Variants in LRRC28 observed in about 807,000 individuals in gnomAD.
The protein encoded by LRRC28 is leucine-rich repeat-containing protein 28.
Under a neutral mutation model 45.7 loss-of-function variants are expected in LRRC28, and 39 were observed. The observed-to-expected ratio is 0.85, with a 90% CI of 0.66 to 1.12. LRRC28 has a LOEUF of 1.12. LRRC28 is among the 50% of genes most tolerant of loss of function. The pLI, the probability that LRRC28 is intolerant of heterozygous loss-of-function variation, is 0.00. For missense variants in LRRC28, 435 were observed against 438.5 expected, an observed-to-expected ratio of 0.99 and a Z score of 0.07; for synonymous variants, 206 against 178.8, an observed-to-expected ratio of 1.15 and a Z score of -1.22.
At chr15:99,299,671 A>G (rs1012727333) in intron 5 of LRRC28, among the ~76,000 whole-genome samples, 6 of 152,204 alleles carry the variant, frequency 3.9e-5, no homozygotes, top group Non-Finnish European at 5.9e-5. Flanking sequence ...GCCAAGGGTC[A>G]ATGTAATGAG....
intron 5 of LRRC28, among the ~76,000 whole-genome samples, chr15:99,302,229 G>C (rs8032790): frequency 0.13 from 19,263 of 151,782 alleles, 1,331 homozygotes; most frequent in Non-Finnish European, 0.17. Context: ...GGGTTTCATC[G>C]TGTTAGCCAG....
intron 3 of LRRC28, among the ~76,000 whole-genome samples, chr15:99,277,273 A>C (rs995823582): frequency 6.6e-6 from 1 of 152,086 alleles, no homozygotes; most frequent in African/African-American, 2.4e-5. Context: ...AGCTAGCCTT[A>C]TACTCCCATC....
At chr15:99,281,623 C>G (rs1413157637) in intron 3 of LRRC28, among the ~76,000 whole-genome samples, 2 of 152,116 alleles carry the variant, frequency 1.3e-5, no homozygotes, top group Non-Finnish European at 2.9e-5. Flanking sequence ...TTTCCTGATT[C>G]TTGGCATGTC....
chr15:99,253,985 A>G (rs1032183116), intron 1 of LRRC28, among the ~76,000 whole-genome samples: 5 of 152,206 alleles, frequency 3.3e-5, no homozygotes, highest in Non-Finnish European at 5.9e-5. Context: ...TGAGATGGGA[A>G]AAACTGTGGA....
intron 1 of LRRC28, among the ~76,000 whole-genome samples, chr15:99,255,194 C>T (rs1025252846): frequency 9.2e-5 from 14 of 151,602 alleles, no homozygotes; most frequent in Non-Finnish European, 5.9e-5. Context: ...CCCATCTCTA[C>T]GAACAAGTAA....
chr15:99,293,090 C>T (rs1404325819), intron 5 of LRRC28, among the ~76,000 whole-genome samples: 1 of 152,162 alleles, frequency 6.6e-6, no homozygotes, highest in Non-Finnish European at 1.5e-5. Flanking sequence ...TGGCTTTTCT[C>T]TAGGGTTCAC....
intron 9 of LRRC28, among the ~76,000 whole-genome samples, chr15:99,380,709 G>A (rs1763617396): frequency 6.6e-6 from 1 of 152,194 alleles, no homozygotes. Context: ...TCCTTCAGGA[G>A]CTCTTGTAGG....
chr15:99,359,834 G>A (rs915562262), intron 7 of LRRC28, among the ~76,000 whole-genome samples: 2 of 152,068 alleles, frequency 1.3e-5, no homozygotes, highest in Admixed American at 6.6e-5. Flanking sequence ...GAACAAAATC[G>A]CATTTCAGAA....
chr15:99,307,458 G>C (rs981389428), intron 5 of LRRC28, among the ~76,000 whole-genome samples: 1 of 152,200 alleles, frequency 6.6e-6, no homozygotes, highest in African/African-American at 2.4e-5. Context: ...TTTTTAGAAA[G>C]ATCTATTCCT....
intron 3 of LRRC28, chr15:99,285,374 T>A: frequency 1.3e-6 from 1 of 742,886 alleles, no homozygotes; most frequent in South Asian, 1.4e-5. Context: ...CATGGCTGCA[T>A]CCACCTCCTC....
intron 5 of LRRC28, among the ~76,000 whole-genome samples, chr15:99,306,964 C>G (rs1429723119): frequency 6.6e-6 from 1 of 152,176 alleles, no homozygotes; most frequent in African/African-American, 2.4e-5. Flanking sequence ...GAGCCTTCAG[C>G]CCTGAGGATT....
At chr15:99,310,200 A>G (rs1038616079) in intron 5 of LRRC28, among the ~76,000 whole-genome samples, 2 of 152,204 alleles carry the variant, frequency 1.3e-5, no homozygotes, top group African/African-American at 4.8e-5. Context: ...TTGTTCTTCA[A>G]AATTTAAAGG....
At chr15:99,286,257 A>G (rs1312722537) in intron 3 of LRRC28, among the ~76,000 whole-genome samples, 1 of 152,084 alleles carries the variant, frequency 6.6e-6, no homozygotes, top group East Asian at 1.9e-4. Flanking sequence ...CAGTCTCCCA[A>G]GTAGCTGGGA....
rs759342943 is a variant in LRRC28 at position 99,287,934 on chromosome 15, T to G, written c.368T>G (p.Leu123Arg). Reference protein sequence around the residue: ...LRHLRLANNQLQFLPPEVGDL... With the variant: ...LRHLRLANNQRQFLPPEVGDL... ...CATCTTCGATTAGCTAATAACCAAC[T>G]GCAATTCCTACCTCCAGGTAATCAT... Residue 123 changes from leucine to arginine, a missense_variant, in exon 5 of 10, where the codon CTG becomes CGG. Leu to Arg is a moderately radical substitution (Grantham distance 102). Transcript: ENST00000301981. 1.6e-5 allele frequency: 26 copies of G among 1,613,356 alleles called. No homozygotes were observed. Among genetic ancestry groups the G allele is most frequent in the Non-Finnish European group, 2.1e-5 (25 of 1,179,668 alleles).
chr15:99,375,810 A>G lies in LRRC28; in HGVS notation c.1032-10220A>G, dbSNP rs564631063. ...TAATGGCTGTAGGATCTGTGGTGAT[A>G]TCACCTCCTTCATTTTTAATATTAA... On this transcript the variant is annotated intron_variant, in intron 9 of 9. Transcript: ENST00000301981. Among the ~76,000 whole-genome samples the G allele has an allele frequency of 1.1e-3, 167 of 152,110 alleles. 2 individuals are homozygous for G. Among genetic ancestry groups the G allele is most frequent in the African/African-American group, 3.9e-3 (162 of 41,518 alleles).
In LRRC28 at chr15:99,333,928, G is replaced by C; in HGVS notation, c.391G>C (p.Gly131Arg). The C allele has an allele frequency of 6.2e-7, 1 of 1,613,982 alleles. No homozygotes were observed. The highest frequency in any genetic ancestry group is 8.5e-7 in the Non-Finnish European group (1 of 1,179,908). The change falls in exon 6 of 10, where the codon GGC (glycine) becomes CGC (arginine). Residue 131 changes from glycine to arginine, a missense_variant. Gly to Arg is a moderately radical substitution (Grantham distance 125). Transcript: ENST00000301981. ...AATTTTGATTTTGGTTGTAGAGGTT[G>C]GCGATTTGAAGGAGCTGCAGACACT... ...NQLQFLPPEV[G>R]DLKELQTLDI...
chr15:99,252,727 G>A (rs532196979), intron 1 of LRRC28, among the ~76,000 whole-genome samples: 3 of 152,312 alleles, frequency 2.0e-5, no homozygotes, highest in East Asian at 3.9e-4. Flanking sequence ...ACCTTGCAAT[G>A]TTCTTCCACA....
intron 2 of LRRC28, among the ~76,000 whole-genome samples, chr15:99,275,188 G>C (rs1167779719): frequency 6.6e-6 from 1 of 152,182 alleles, no homozygotes; most frequent in Non-Finnish European, 1.5e-5. Context: ...ATTTACAGGA[G>C]GCTTTCTCCA....
intron 5 of LRRC28, among the ~76,000 whole-genome samples, chr15:99,323,231 C>T (rs1051011754): frequency 6.6e-6 from 1 of 152,102 alleles, no homozygotes; most frequent in Non-Finnish European, 1.5e-5. Context: ...GAGACCAGGT[C>T]CTTTCTAGCT....
Sources: allele counts gnomAD v4.1 joint callset (sites outside exome capture counted in the v4.1 genomes callset), GRCh38; gene constraint gnomAD v4.1.1; transcripts MANE v1.5; gene names NCBI Gene and HGNC (gene_info 2026-07-23, HGNC 2026-07-21).